The following SIAH3 variants were observed in gnomAD, a reference collection of about 807,000 sequenced individuals.
The protein encoded by SIAH3 is siah E3 ubiquitin protein ligase family member 3.
SIAH3 carries 9 observed loss-of-function variants against 12.6 expected under a neutral mutation model. The ratio of observed to expected loss-of-function variants is 0.72; its 90% CI spans 0.43 to 1.25. The LOEUF is 1.25. SIAH3 is among the 50% of genes most tolerant of loss of function. The probability of loss-of-function intolerance (pLI) is 0.00; values close to 1 mark genes in which losing one functional copy is unlikely to be tolerated. For synonymous variants in SIAH3, 154 were observed against 151.1 expected (o/e 1.02, Z -0.14); for missense variants, 390 against 365.4 (o/e 1.07, Z -0.55).
At position 45,778,998 on chromosome 13, in the gene SIAH3, A is replaced by G. The variant is rs1460720295; in HGVS notation, c.*4385T>C. On this transcript the variant is annotated 3_prime_UTR_variant, in exon 2 of 2. Coordinates refer to ENST00000400405, the MANE Select transcript of SIAH3 (RefSeq NM_198849.3). ...TGATTATACTGTTAAGTGCTTAACA[A>G]CTGGCTTTCTAGGGAGAAAAATCCC... 1 of 152,190 alleles carries G rather than the reference A, an allele frequency of 6.6e-6. No individual in the cohort carries two copies. The highest frequency in any genetic ancestry group is 2.1e-4 in the South Asian group (1 of 4,828). The allele number at this position is 152,190 out of a possible 1,614,324, so 9.4% of individuals were successfully genotyped here. A position where few individuals can be genotyped will look rare whatever the true frequency, so the allele number is the denominator to read the frequency against.
intron 1 of SIAH3, among the ~76,000 whole-genome samples, chr13:45,836,673 T>C (rs1167160891): frequency 6.6e-6 from 1 of 152,002 alleles, no homozygotes; most frequent in Non-Finnish European, 1.5e-5. Flanking sequence ...GGATGCTGAG[T>C]TTACTACCTG....
chr13:45,833,397 T>A (rs1402240519), intron 1 of SIAH3, among the ~76,000 whole-genome samples: 1 of 152,086 alleles, frequency 6.6e-6, no homozygotes. Context: ...ACCCTGGGTC[T>A]TTTTTGGTAC....
intron 1 of SIAH3, among the ~76,000 whole-genome samples, chr13:45,847,588 G>A (rs1360310713): frequency 2.0e-5 from 3 of 150,960 alleles, no homozygotes; most frequent in East Asian, 2.0e-4. Context: ...TTAAAGCCAC[G>A]ATTGTCCCAT....
intron 1 of SIAH3, among the ~76,000 whole-genome samples, chr13:45,842,013 G>C (rs536652547): frequency 1.3e-5 from 2 of 152,330 alleles, no homozygotes; most frequent in South Asian, 2.1e-4. Context: ...TCATCAGTGG[G>C]AACCTTGGGC....
At chr13:45,805,719 T>C (rs1950596476) in intron 1 of SIAH3, among the ~76,000 whole-genome samples, 1 of 151,986 alleles carries the variant, frequency 6.6e-6, no homozygotes, top group African/African-American at 2.4e-5. Flanking sequence ...AGACAGAAAT[T>C]GACAAGTAGG....
intron 1 of SIAH3, among the ~76,000 whole-genome samples, chr13:45,821,059 G>A (rs1408275562): frequency 6.6e-6 from 1 of 152,220 alleles, no homozygotes; most frequent in East Asian, 1.9e-4. Context: ...CTAAACCCCA[G>A]TACCTGTGAA....
intron 1 of SIAH3, among the ~76,000 whole-genome samples, chr13:45,812,676 A>G (rs1158340335): frequency 6.6e-6 from 1 of 152,120 alleles, no homozygotes; most frequent in Non-Finnish European, 1.5e-5. Context: ...ACACACACAG[A>G]CACACACACA....
intron 1 of SIAH3, among the ~76,000 whole-genome samples, chr13:45,793,867 G>T (rs1950554195): frequency 6.6e-6 from 1 of 152,236 alleles, no homozygotes; most frequent in South Asian, 2.1e-4. Flanking sequence ...TAAAGACCTT[G>T]AGATGAGATC....
At chr13:45,826,081 G>A (rs541003439) in intron 1 of SIAH3, among the ~76,000 whole-genome samples, 1 of 152,306 alleles carries the variant, frequency 6.6e-6, no homozygotes, top group Non-Finnish European at 1.5e-5. Context: ...TCATTCAGAT[G>A]TGAGCTCTTG....
At chr13:45,848,201 G>C (rs1950767311) in intron 1 of SIAH3, among the ~76,000 whole-genome samples, 1 of 152,208 alleles carries the variant, frequency 6.6e-6, no homozygotes. Flanking sequence ...CTGGCCAAGA[G>C]AGCTGGCTCC....
chr13:45,809,066 T>C (rs1421125464), intron 1 of SIAH3, among the ~76,000 whole-genome samples: 1 of 152,220 alleles, frequency 6.6e-6, no homozygotes, highest in East Asian at 1.9e-4. Context: ...TGCCTGGTCC[T>C]GACTCATAAA....
intron 1 of SIAH3, among the ~76,000 whole-genome samples, chr13:45,846,102 T>TTTTTC: frequency 6.8e-6 from 1 of 146,376 alleles, no homozygotes; most frequent in Non-Finnish European, 1.5e-5. Flanking sequence ...TTTTTTTTTT[T>TTTTTC]TTTTGAGACG....
At chr13:45,826,830 C>A (rs1393528741) in intron 1 of SIAH3, among the ~76,000 whole-genome samples, 1 of 152,080 alleles carries the variant, frequency 6.6e-6, no homozygotes, top group Non-Finnish European at 1.5e-5. Flanking sequence ...GTTGCAGAGG[C>A]TGGCACCCCT....
At chr13:45,799,280 A>T (rs529059219) in intron 1 of SIAH3, among the ~76,000 whole-genome samples, 1 of 152,320 alleles carries the variant, frequency 6.6e-6, no homozygotes, top group South Asian at 2.1e-4. Flanking sequence ...ATGACCAAGG[A>T]TAGTTCCTTT....
chr13:45,784,147 A>G, intron 1 of SIAH3, 90 bp from the exon 2 acceptor site: 2 of 1,176,804 alleles, frequency 1.7e-6, no homozygotes, highest in Non-Finnish European at 2.4e-6. Flanking sequence ...TAAAAAGCAG[A>G]TCCTCCAGTG....
chr13:45,839,691 G>T (rs1365649644), intron 1 of SIAH3, among the ~76,000 whole-genome samples: 3 of 152,024 alleles, frequency 2.0e-5, no homozygotes, highest in African/African-American at 7.2e-5. Flanking sequence ...AATTAGCCGG[G>T]CGTGGTGGTA....
chr13:45,798,857 A>G (rs951369487), intron 1 of SIAH3, among the ~76,000 whole-genome samples: 1 of 152,240 alleles, frequency 6.6e-6, no homozygotes, highest in African/African-American at 2.4e-5. Context: ...AAATTGTCTT[A>G]TCTTCTTCCA....
intron 1 of SIAH3, among the ~76,000 whole-genome samples, chr13:45,827,857 C>A (rs1950684517): frequency 6.6e-6 from 1 of 152,240 alleles, no homozygotes; most frequent in Middle Eastern, 3.2e-3. Context: ...TTCCTTCTCT[C>A]TGCTTCCATA....
In SIAH3 at chr13:45,783,454, C is replaced by T. The variant is rs763449132; in HGVS notation, c.739G>A (p.Asp247Asn). 3 of 1,613,950 alleles carry T rather than the reference C, an allele frequency of 1.9e-6. No homozygotes were observed. In the African/African-American group the frequency reaches 4.0e-5, roughly 22 times the overall value. The change falls in exon 2 of 2, where the codon GAC becomes AAC. Residue 247 changes from aspartate (D) to asparagine (N), a missense_variant. By Grantham distance (23) the Asp-to-Asn change is conservative (BLOSUM62 1). Coordinates refer to ENST00000400405, the MANE Select transcript of SIAH3 (RefSeq NM_198849.3). The stretch of plus-strand genomic sequence containing the variant: ...ATCCCAATGGCAAGGCTGCCGTTGT[C>T]AGAGAAGAGCTGTGCCAGCGAGGTG... Reference protein sequence around the residue: ...LNTSLAQLFSDNGSLAIGIAI... With the variant: ...LNTSLAQLFSNNGSLAIGIAI...
Sources: allele counts gnomAD v4.1 joint callset (sites outside exome capture counted in the v4.1 genomes callset), GRCh38; gene constraint gnomAD v4.1.1; transcripts MANE v1.5; gene names NCBI Gene and HGNC (gene_info 2026-07-23, HGNC 2026-07-21).